Variants in TNNT2 observed in about 807,000 individuals in gnomAD.
The protein encoded by TNNT2 is troponin T2, cardiac type.
In TNNT2, 34 loss-of-function variants were observed where a neutral mutation model predicts 62.4. The ratio of observed to expected loss-of-function variants is 0.54; its 90% CI spans 0.41 to 0.72. TNNT2 has a LOEUF of 0.72. TNNT2 is among the 30% of genes least tolerant of loss of function. The pLI, the probability that TNNT2 is intolerant of heterozygous loss-of-function variation, is 0.00. For missense variants in TNNT2, 275 were observed against 381.9 expected (o/e 0.72, Z 2.33); for synonymous variants, 123 against 127.2 (o/e 0.97, Z 0.22).
rs761953142 is a variant in TNNT2 at position 201,365,668 on chromosome 1, G to A, written c.236C>T (p.Ser79Leu). 6 of 1,613,790 alleles carry A rather than the reference G, an allele frequency of 3.7e-6. No homozygotes were observed. The highest frequency in any genetic ancestry group is 2.2e-5 in the East Asian group (1 of 44,878). ...GGGAGGCACCAAGTTGGGCATGAACGACCTGTTGGAGAGAGGAATAGTCAG... is the reference window on the plus strand; with the variant it reads ...GGGAGGCACCAAGTTGGGCATGAACAACCTGTTGGAGAGAGGAATAGTCAG... ...PMEESKPKPR[S>L]FMPNLVPPKI... The change falls in exon 9 of 17, where the codon TCG becomes TTG. Residue 79 changes from serine (S) to leucine (L), a missense_variant and splice_region_variant. Ser to Leu is a moderately radical substitution (Grantham distance 145, BLOSUM62 -2). Coordinates refer to ENST00000656932, the MANE Select transcript of TNNT2 (RefSeq NM_001276345.2).
At chr1:201,367,077 A>G (rs1322243892) in intron 7 of TNNT2, 1 of 746,678 alleles carries the variant, frequency 1.3e-6, no homozygotes, top group Non-Finnish European at 2.3e-6. Context: ...CCTCCCATAG[A>G]GTTCTGCAGG....
At chr1:201,372,597 T>G (rs1349146075) in intron 2 of TNNT2, among the ~76,000 whole-genome samples, 1 of 152,178 alleles carries the variant, frequency 6.6e-6, no homozygotes, top group Non-Finnish European at 1.5e-5. Context: ...CAGCCCGCCC[T>G]CCACACCAGG....
intron 12 of TNNT2, 87 bp downstream of exon 12, chr1:201,363,209 G>T: frequency 1.2e-6 from 2 of 1,610,026 alleles, no homozygotes; most frequent in Non-Finnish European, 1.7e-6. Context: ...CCTGGGACCT[G>T]ACCTAAAGTC....
At chr1:201,370,087 C>T (rs976079252) in intron 4 of TNNT2, among the ~76,000 whole-genome samples, 8 of 152,208 alleles carry the variant, frequency 5.3e-5, no homozygotes, top group South Asian at 2.1e-4. Flanking sequence ...ACTTCTCAGC[C>T]GTGGTGAGGA....
intron 16 of TNNT2, 37 bp downstream of exon 16, chr1:201,359,586 G>T (rs374622439): frequency 1.3e-6 from 2 of 1,584,954 alleles, no homozygotes; most frequent in Non-Finnish European, 1.7e-6. Context: ...GGAGGGGGCA[G>T]GGGGAGGGCT....
intron 12 of TNNT2, 67 bp downstream of exon 12, chr1:201,363,229 C>T (rs1659024182): frequency 3.1e-6 from 5 of 1,611,820 alleles, no homozygotes; most frequent in Non-Finnish European, 3.4e-6. Context: ...CTACCTGCTG[C>T]AGTGGACACC....
At chr1:201,360,009 C>A (rs1243261156) in intron 15 of TNNT2, among the ~76,000 whole-genome samples, 1 of 152,196 alleles carries the variant, frequency 6.6e-6, no homozygotes, top group African/African-American at 2.4e-5. Flanking sequence ...GCCCCAGACC[C>A]CTCTGGGGCA....
chr1:201,362,189 A>AGGGGCATTCCCT, intron 13 of TNNT2, 167 bp from the exon 14 acceptor site: 4 of 1,207,102 alleles, frequency 3.3e-6, no homozygotes, highest in Non-Finnish European at 2.4e-6. Context: ...TCCCTAGGGA[A>AGGGGCATTCCCT]ACTGAGGTAG....
intron 11 of TNNT2, 57 bp from the exon 12 acceptor site, chr1:201,363,463 T>A: frequency 1.3e-6 from 2 of 1,537,514 alleles, no homozygotes; most frequent in Non-Finnish European, 1.8e-6. Context: ...GAAACCCTGA[T>A]TCTGGGCTGA....
intron 5 of TNNT2, among the ~76,000 whole-genome samples, chr1:201,368,738 C>G (rs1022201008): frequency 1.3e-5 from 2 of 152,216 alleles, no homozygotes; most frequent in Non-Finnish European, 2.9e-5. Flanking sequence ...CTCACTCAGG[C>G]ACTTGGTGTA....
At chr1:201,373,016 G>C (rs111308363) in intron 2 of TNNT2, 198 bp downstream of exon 2, 1 of 710,756 alleles carries the variant, frequency 1.4e-6, no homozygotes, top group Non-Finnish European at 2.6e-6. Flanking sequence ...GAAGTCTCTC[G>C]GCCTGTGCTC....
At chr1:201,372,727 T>C (rs1428299844) in intron 2 of TNNT2, among the ~76,000 whole-genome samples, 1 of 152,174 alleles carries the variant, frequency 6.6e-6, no homozygotes, top group Non-Finnish European at 1.5e-5. Flanking sequence ...CTATCCTCTG[T>C]AGTTATTGGA....
At chr1:201,369,908 G>C (rs543616457) in intron 4 of TNNT2, 63 bp from the exon 5 acceptor site, 3 of 1,603,454 alleles carry the variant, frequency 1.9e-6, no homozygotes, top group African/African-American at 1.3e-5. Flanking sequence ...TGGGAGCAGA[G>C]AGCCCGCGGC....
Position 201,361,892 on chromosome 1 carries a change from AC to A in TNNT2, c.719+20del. 1 of 1,607,588 alleles carries A rather than the reference AC, an allele frequency of 6.2e-7. No individual in the cohort carries two copies. ...GAGCAGATGCGGGCAGTGCCCCAGG[AC>A]CATTCCTCCCAGCCCCCACCTCAGC... On this transcript the variant is annotated intron_variant, in intron 14 of 16. Coordinates refer to ENST00000656932, the MANE Select transcript of TNNT2 (RefSeq NM_001276345.2).
intron 1 of TNNT2, among the ~76,000 whole-genome samples, chr1:201,377,327 G>A (rs1258706988): frequency 6.6e-6 from 1 of 152,198 alleles, no homozygotes; most frequent in African/African-American, 2.4e-5. Context: ...GAGGCCTGGG[G>A]AGGGAAAGTG....
At chr1:201,361,204 G>A (rs1658555645) in intron 15 of TNNT2, 75 bp downstream of exon 15, 2 of 1,399,770 alleles carry the variant, frequency 1.4e-6, no homozygotes, top group Non-Finnish European at 2.0e-6. Flanking sequence ...GGGACCTGCA[G>A]CAGTATTACC....
At chr1:201,372,297 G>T in intron 2 of TNNT2, 142 bp from the exon 3 acceptor site, 1 of 1,227,850 alleles carries the variant, frequency 8.1e-7, no homozygotes, top group Non-Finnish European at 1.2e-6. Flanking sequence ...AGTCCACGCT[G>T]CCCTGCCCAC....
chr1:201,365,110 G>A (rs1659409299), intron 10 of TNNT2, 81 bp downstream of exon 10: 1 of 1,219,284 alleles, frequency 8.2e-7, no homozygotes, highest in African/African-American at 1.5e-5. Flanking sequence ...AAGGCTGTCT[G>A]GAGGAGGTGG....
intron 14 of TNNT2, 58 bp from the exon 15 acceptor site, chr1:201,361,427 C>T: frequency 6.8e-7 from 1 of 1,470,666 alleles, no homozygotes; most frequent in South Asian, 1.1e-5. Flanking sequence ...TCCTGGGCCT[C>T]CGTCCTGGTC....
Sources: gnomAD v4.1 joint callset for allele counts (sites outside exome capture counted in the v4.1 genomes callset) on GRCh38, gnomAD v4.1.1 for gene constraint, MANE v1.5 for transcripts, NCBI Gene and HGNC (gene_info 2026-07-23, HGNC 2026-07-21) for gene names.